The following ADGRV1 variants were observed in gnomAD, a reference collection of about 807,000 sequenced individuals.
The protein encoded by ADGRV1 is G-protein coupled receptor 98.
ADGRV1 carries 359 observed loss-of-function variants against 596.2 expected under a neutral mutation model. The ratio of observed to expected loss-of-function variants is 0.60; its 90% CI spans 0.55 to 0.66. The LOEUF (loss-of-function observed/expected upper bound fraction) is 0.66. ADGRV1 is among the 30% of genes least tolerant of loss of function. ADGRV1 has a pLI of 0.00. For missense variants in ADGRV1, 7,274 were observed against 7,575.6 expected, an observed-to-expected ratio of 0.96 and a Z score of 1.48; for synonymous variants, 2,681 against 2,679.2, an observed-to-expected ratio of 1.00 and a Z score of -0.02.
intron 78 of ADGRV1, among the ~76,000 whole-genome samples, chr5:90,843,594 A>G (rs1765616675): frequency 6.6e-6 from 1 of 152,218 alleles, no homozygotes; most frequent in Admixed American, 6.5e-5. Context: ...GTTTTAGTTT[A>G]GAATGGGGAA....
chr5:91,008,894 C>T (rs191472836), intron 85 of ADGRV1, among the ~76,000 whole-genome samples: 22 of 152,190 alleles, frequency 1.4e-4, no homozygotes, highest in Admixed American at 5.9e-4. Flanking sequence ...TACAAACCAG[C>T]CCCAGCACAG....
At chr5:90,871,110 C>G (rs1768628418) in intron 83 of ADGRV1, among the ~76,000 whole-genome samples, 2 of 152,120 alleles carry the variant, frequency 1.3e-5, no homozygotes, top group South Asian at 4.2e-4. Context: ...AATCATGAAA[C>G]AAATTTATAA....
intron 52 of ADGRV1, 33 bp from the exon 53 acceptor site, chr5:90,750,518 G>C (rs1437165983): frequency 6.4e-7 from 1 of 1,558,908 alleles, no homozygotes; most frequent in Non-Finnish European, 8.7e-7. Context: ...TAATTTCAGG[G>C]AACCCCTTGT....
intron 27 of ADGRV1, 25 bp downstream of exon 27, chr5:90,681,479 C>T (rs930308798): frequency 6.3e-7 from 1 of 1,590,922 alleles, no homozygotes; most frequent in Admixed American, 1.7e-5. Flanking sequence ...TTCCTTCATT[C>T]CTAGACACTT....
chr5:91,160,795 C>T (rs1403634980), intron 89 of ADGRV1, among the ~76,000 whole-genome samples: 7 of 151,990 alleles, frequency 4.6e-5, no homozygotes, highest in Admixed American at 4.6e-4. Flanking sequence ...TAATATATGC[C>T]TTTTCTGAGT....
intron 84 of ADGRV1, among the ~76,000 whole-genome samples, chr5:90,979,536 A>G (rs1274700480): frequency 6.6e-6 from 1 of 152,146 alleles, no homozygotes; most frequent in African/African-American, 2.4e-5. Flanking sequence ...AGTTTGGAGT[A>G]TGTTGCACTC....
rs1325877739 is a variant in ADGRV1 at position 90,627,482 on chromosome 5, A to G, written c.944A>G (p.His315Arg). The G allele has an allele frequency of 1.2e-6, 2 of 1,613,890 alleles. No individual in the cohort carries two copies. The highest frequency in any genetic ancestry group is 1.3e-5 in the African/African-American group (1 of 74,948). Residue 315 changes from histidine to arginine, a missense_variant, in exon 7 of 90, where the codon CAT (histidine) becomes CGT (arginine). This residue lies in a region of ADGRV1 where 1,715 missense variants were observed against 1,708.8 expected (regional missense o/e 1.00). Coordinates refer to ENST00000405460, the MANE Select transcript of ADGRV1 (RefSeq NM_032119.4). ...YAVTTGNSTAHAQQNLDFIDL... is the reference protein window; with the variant it reads ...YAVTTGNSTARAQQNLDFIDL... Reference sequence around the variant, plus strand: ...GTCACAACTGGGAATTCCACAGCACATGCCCAGCAAAATCTGGACTTCATT... The same window carrying G: ...GTCACAACTGGGAATTCCACAGCACGTGCCCAGCAAAATCTGGACTTCATT...
intron 83 of ADGRV1, among the ~76,000 whole-genome samples, chr5:90,872,939 T>C (rs1343147316): frequency 6.6e-6 from 1 of 152,230 alleles, no homozygotes; most frequent in East Asian, 1.9e-4. Context: ...CTCTGTGAAA[T>C]CTTGCTTCCT....
intron 83 of ADGRV1, among the ~76,000 whole-genome samples, chr5:90,903,905 G>A (rs1349189398): frequency 1.3e-5 from 2 of 151,326 alleles, no homozygotes; most frequent in Non-Finnish European, 3.0e-5. Flanking sequence ...TTTCCTTTCT[G>A]TCCAACCCCC....
chr5:90,924,850 T>C (rs1455270719), intron 83 of ADGRV1, among the ~76,000 whole-genome samples: 2 of 152,050 alleles, frequency 1.3e-5, no homozygotes, highest in East Asian at 1.9e-4. Context: ...TTTCTACATA[T>C]GGCTAGCCAG....
At chr5:90,811,380 G>A (rs1187696205) in intron 74 of ADGRV1, 42 bp downstream of exon 74, 5 of 1,479,770 alleles carry the variant, frequency 3.4e-6, no homozygotes, top group Admixed American at 2.3e-5. Flanking sequence ...TACTTTTATG[G>A]TACATAATTT....
chr5:91,075,946 T>C (rs1263459687), intron 86 of ADGRV1, among the ~76,000 whole-genome samples: 2 of 152,164 alleles, frequency 1.3e-5, no homozygotes, highest in African/African-American at 4.8e-5. Context: ...TTCCTGATAT[T>C]GCCATCTTTG....
intron 83 of ADGRV1, among the ~76,000 whole-genome samples, chr5:90,908,560 A>G (rs1463757757): frequency 1.3e-5 from 2 of 152,158 alleles, no homozygotes; most frequent in African/African-American, 2.4e-5. Flanking sequence ...ATCTGTGCCT[A>G]TTGTATTTTG....
At chr5:91,054,867 G>A (rs1786696069) in intron 85 of ADGRV1, among the ~76,000 whole-genome samples, 1 of 152,046 alleles carries the variant, frequency 6.6e-6, no homozygotes, top group Non-Finnish European at 1.5e-5. Context: ...AATAGAGGAG[G>A]CCACTGAGAT....
chr5:90,693,982 C>T lies in ADGRV1; in HGVS notation c.7226C>T (p.Ser2409Phe). ...LAMEEGQDLL[S>F]YYESPIQGVP... ...ATGGAGGAAGGTCAAGATTTACTGTCCTACTATGAATCTCCAATTCAAGGG... is the reference window on the plus strand; with the variant it reads ...ATGGAGGAAGGTCAAGATTTACTGTTCTACTATGAATCTCCAATTCAAGGG... The change falls in exon 33 of 90, where the codon TCC becomes TTC. Residue 2409 changes from serine (S) to phenylalanine (F), a missense_variant. Transcript: ENST00000405460. The T allele has an allele frequency of 6.2e-7, 1 of 1,613,362 alleles. No homozygotes were observed. Among genetic ancestry groups the T allele is most frequent in the Non-Finnish European group, 8.5e-7 (1 of 1,179,600 alleles).
At chr5:91,151,022 T>C (rs932603100) in intron 88 of ADGRV1, among the ~76,000 whole-genome samples, 1 of 152,178 alleles carries the variant, frequency 6.6e-6, no homozygotes, top group African/African-American at 2.4e-5. Context: ...TTTTATAAGC[T>C]CATATTGCCC....
intron 28 of ADGRV1, 66 bp downstream of exon 28, chr5:90,684,261 A>G (rs1240833321): frequency 7.4e-7 from 1 of 1,359,188 alleles, no homozygotes; most frequent in African/African-American, 1.5e-5. Flanking sequence ...TCAGTTTTAA[A>G]TTTTATTTAA....
Position 90,637,083 on chromosome 5 carries a change from C to A in ADGRV1, c.2017-642C>A, listed in dbSNP as rs73181634. The stretch of plus-strand genomic sequence containing the variant: ...CACTGTCCTAGATACTTTACTTAAA[C>A]AATTCCTAATCCTCACCACAAACTT... On this transcript the variant is annotated intron_variant, in intron 10 of 89. Transcript: ENST00000405460. Among the ~76,000 whole-genome samples the A allele has an allele frequency of 6.1e-3, 927 of 152,248 alleles. 6 individuals are homozygous for A. Among genetic ancestry groups the A allele is most frequent in the South Asian group, 0.019 (90 of 4,826 alleles).
chr5:90,884,370 A>G (rs1770083928), intron 83 of ADGRV1, among the ~76,000 whole-genome samples: 1 of 152,170 alleles, frequency 6.6e-6, no homozygotes, highest in Non-Finnish European at 1.5e-5. Context: ...TTTTCTGCAC[A>G]TTTTATGAAA....
Sources: allele counts gnomAD v4.1 joint callset (sites outside exome capture counted in the v4.1 genomes callset), GRCh38; gene constraint gnomAD v4.1.1; regional missense constraint gnomAD v4.1.1; transcripts MANE v1.5; gene names NCBI Gene and HGNC (gene_info 2026-07-23, HGNC 2026-07-21).